The following CCSER1 variants were observed in gnomAD, a reference collection of about 807,000 sequenced individuals.
CCSER1 encodes the protein coiled-coil serine rich protein 1.
A neutral mutation model predicts 82.0 loss-of-function variants in CCSER1; 41 were observed. The observed-to-expected ratio is 0.50, with a 90% confidence interval of 0.39 to 0.65. CCSER1 has a LOEUF of 0.65. Among genes scored for constraint, CCSER1 ranks in the 30% least tolerant of loss-of-function variants. The pLI, the probability that CCSER1 is intolerant of heterozygous loss-of-function variation, is 0.00. For synonymous variants in CCSER1, 414 were observed against 383.9 expected (o/e 1.08, Z -0.92); for missense variants, 1,119 against 1,064.2 (o/e 1.05, Z -0.72).
intron 9 of CCSER1, among the ~76,000 whole-genome samples, chr4:91,062,537 G>C (rs539466407): frequency 6.6e-6 from 1 of 152,000 alleles, no homozygotes; most frequent in Admixed American, 6.6e-5. Flanking sequence ...CTGAAATGAG[G>C]TGGTCCCTGG....
chr4:90,492,086 G>A (rs966379918), intron 5 of CCSER1, among the ~76,000 whole-genome samples: 5 of 152,130 alleles, frequency 3.3e-5, no homozygotes, highest in African/African-American at 1.2e-4. Context: ...AGTTTCAGAA[G>A]GAATGGTGCC....
intron 10 of CCSER1, among the ~76,000 whole-genome samples, chr4:91,380,216 A>G (rs1160983357): frequency 6.6e-6 from 1 of 152,192 alleles, no homozygotes; most frequent in Admixed American, 6.5e-5. Flanking sequence ...AGAATAATAT[A>G]TATTCTGTTG....
At chr4:90,207,296 C>T (rs913510328) in intron 1 of CCSER1, among the ~76,000 whole-genome samples, 4 of 152,118 alleles carry the variant, frequency 2.6e-5, no homozygotes, top group African/African-American at 4.8e-5. Flanking sequence ...TCTGTTGATA[C>T]TTGTGAATGC....
chr4:91,318,528 A>G (rs1194805536), intron 10 of CCSER1, among the ~76,000 whole-genome samples: 1 of 152,004 alleles, frequency 6.6e-6, no homozygotes, highest in African/African-American at 2.4e-5. Context: ...TTATAGACTC[A>G]ATTGTCTCCA....
chr4:90,512,096 T>G (rs1255479186), intron 5 of CCSER1, among the ~76,000 whole-genome samples: 1 of 152,128 alleles, frequency 6.6e-6, no homozygotes, highest in Admixed American at 6.5e-5. Flanking sequence ...TTTCCGTAGA[T>G]ATGTGGTCAC....
intron 8 of CCSER1, among the ~76,000 whole-genome samples, chr4:90,874,298 T>C (rs1404807036): frequency 6.6e-6 from 1 of 152,192 alleles, no homozygotes; most frequent in Non-Finnish European, 1.5e-5. Context: ...CAAAGGTTTG[T>C]ATTTGAAGTT....
At position 91,360,591 on chromosome 4, in the gene CCSER1, A is replaced by C. The variant is rs991600213; in HGVS notation, c.2218-237981A>C. 4.6e-5 allele frequency among the ~76,000 whole-genome samples: 7 copies of C among 151,800 alleles called. 2 individuals are homozygous for C. Among genetic ancestry groups the C allele is most frequent in the Non-Finnish European group, 1.0e-4 (7 of 67,850 alleles). ...AATCCCAGATCCCTGTGTTTTGGAT[A>C]GGATGCCTTCCATCCTTTGTGTCCA... is the stretch of plus-strand genomic sequence containing the variant. On this transcript the variant is annotated intron_variant, in intron 10 of 10. Transcript: ENST00000509176.
At chr4:90,408,843 G>A (rs1197594700) in intron 4 of CCSER1, among the ~76,000 whole-genome samples, 1 of 152,166 alleles carries the variant, frequency 6.6e-6, no homozygotes, top group Non-Finnish European at 1.5e-5. Flanking sequence ...CAAGCTAAAG[G>A]AGGAAGTTCG....
intron 10 of CCSER1, among the ~76,000 whole-genome samples, chr4:91,344,275 G>A (rs1405175542): frequency 6.6e-6 from 1 of 152,100 alleles, no homozygotes; most frequent in African/African-American, 2.4e-5. Context: ...TCTTGCCAGT[G>A]CCTTGATTTA....
At chr4:91,591,280 A>T (rs2110340430) in intron 10 of CCSER1, among the ~76,000 whole-genome samples, 1 of 152,282 alleles carries the variant, frequency 6.6e-6, no homozygotes, top group South Asian at 2.1e-4. Flanking sequence ...AGTGAGTAAT[A>T]ATATTCATAC....
rs373686325 is a variant in CCSER1, at chr4:91,116,773, G to C, written c.2217+30779G>C. ...CTCCAAGTGATAAACAAAAAACAGG[G>C]ATCATTTTTTTTACTTCAACCTGCA... On this transcript the variant is annotated intron_variant, in intron 10 of 10. Transcript: ENST00000509176. 1.2e-3 allele frequency among the ~76,000 whole-genome samples: 177 copies of C among 152,154 alleles called. 2 individuals are homozygous for C. Among genetic ancestry groups the C allele is most frequent in the African/African-American group, 4.0e-3 (166 of 41,478 alleles).
chr4:90,617,804 G>C (rs1479201534), intron 5 of CCSER1, among the ~76,000 whole-genome samples: 1 of 152,040 alleles, frequency 6.6e-6, no homozygotes, highest in African/African-American at 2.4e-5. Context: ...TCCCTTCTGA[G>C]GTCTAGCCTG....
chr4:91,399,194 A>G (rs1468297223), intron 10 of CCSER1, among the ~76,000 whole-genome samples: 1 of 151,880 alleles, frequency 6.6e-6, no homozygotes, highest in Admixed American at 6.6e-5. Context: ...AGGCTCCCCA[A>G]GGGAATGATC....
intron 10 of CCSER1, among the ~76,000 whole-genome samples, chr4:91,535,267 C>A (rs1163720023): frequency 6.6e-6 from 1 of 151,818 alleles, no homozygotes; most frequent in Non-Finnish European, 1.5e-5. Context: ...CAATTTATGA[C>A]ATTAATAAAG....
At chr4:90,274,627 A>G (rs1171331720) in intron 1 of CCSER1, among the ~76,000 whole-genome samples, 1 of 152,126 alleles carries the variant, frequency 6.6e-6, no homozygotes, top group African/African-American at 2.4e-5. Flanking sequence ...AGATATGTCT[A>G]CGAGATCCAA....
chr4:90,894,004 A>T (rs1323336673), intron 8 of CCSER1, among the ~76,000 whole-genome samples: 1 of 152,076 alleles, frequency 6.6e-6, no homozygotes, highest in Non-Finnish European at 1.5e-5. Context: ...CAATAAAAAA[A>T]GTTATCCATG....
intron 5 of CCSER1, among the ~76,000 whole-genome samples, chr4:90,597,897 C>A (rs1043605810): frequency 6.6e-6 from 1 of 152,028 alleles, no homozygotes; most frequent in Non-Finnish European, 1.5e-5. Context: ...CAATATTATT[C>A]TTTCTGTGTC....
At chr4:90,344,116 C>T (rs942803395) in intron 3 of CCSER1, among the ~76,000 whole-genome samples, 9 of 152,116 alleles carry the variant, frequency 5.9e-5, no homozygotes, top group African/African-American at 1.9e-4. Flanking sequence ...TTTTAGATCC[C>T]ATAAATAAGT....
chr4:91,132,628 C>T (rs1262294447), intron 10 of CCSER1, among the ~76,000 whole-genome samples: 1 of 152,176 alleles, frequency 6.6e-6, no homozygotes, highest in Non-Finnish European at 1.5e-5. Context: ...AGTTCACAGT[C>T]AAGTGAAGCA....
Sources: gnomAD v4.1 joint callset for allele counts (sites outside exome capture counted in the v4.1 genomes callset) on GRCh38, gnomAD v4.1.1 for gene constraint, MANE v1.5 for transcripts, NCBI Gene and HGNC (gene_info 2026-07-23, HGNC 2026-07-21) for gene names.